The following ATE1 variants were observed in gnomAD, a reference collection of about 807,000 sequenced individuals.
The protein encoded by ATE1 is arginyltransferase 1.
ATE1 carries 36 observed loss-of-function variants against 70.5 expected under a neutral mutation model. The ratio of observed to expected loss-of-function variants is 0.51; its 90% confidence interval spans 0.39 to 0.67. ATE1 has a LOEUF of 0.67. Ranked by LOEUF, ATE1 falls within the 30% of genes least tolerant of loss-of-function variation. The pLI is 0.00. For missense variants in ATE1, 593 were observed against 629.5 expected (o/e 0.94, Z 0.62); for synonymous variants, 232 against 219.3 (o/e 1.06, Z -0.51).
intron 10 of ATE1, among the ~76,000 whole-genome samples, chr10:121,804,860 C>A (rs1382749206): frequency 6.6e-6 from 1 of 152,010 alleles, no homozygotes; most frequent in African/African-American, 2.4e-5. Flanking sequence ...CTGAGAGCTT[C>A]CAACACAACC....
intron 7 of ATE1, among the ~76,000 whole-genome samples, chr10:121,876,822 C>T (rs12768377): frequency 0.4 from 60,951 of 151,506 alleles, 12,353 homozygotes; most frequent in East Asian, 0.45. Flanking sequence ...AAAAATTAGC[C>T]GGGCGTGGTG....
intron 3 of ATE1, among the ~76,000 whole-genome samples, chr10:121,916,518 A>G (rs180811491): frequency 1.3e-5 from 2 of 152,156 alleles, no homozygotes; most frequent in Non-Finnish European, 2.9e-5. Context: ...TCCAAGAAAG[A>G]AGGGTTTCCA....
rs199893795 is a variant in ATE1, at chr10:121,783,884, A to AT, written c.1378+6284dup. ...AAAGGAACTGCTTGTTTGGGGGAAA[A>AT]TTTTTTTTTTTTCGGTTTTGAGACA... On this transcript the variant is annotated intron_variant, in intron 11 of 11. Coordinates refer to ENST00000224652, the MANE Select transcript of ATE1 (RefSeq NM_001001976.3). Among the ~76,000 whole-genome samples, 901 of 151,402 alleles carry AT rather than the reference A, an allele frequency of 6.0e-3. 37 individuals carry two copies. In the East Asian group the frequency reaches 0.1, roughly 17 times the overall value.
At chr10:121,843,342 T>C (rs1443751788) in intron 8 of ATE1, among the ~76,000 whole-genome samples, 3 of 152,174 alleles carry the variant, frequency 2.0e-5, no homozygotes, top group African/African-American at 7.2e-5. Flanking sequence ...GAAGACAATA[T>C]TGTCATGATC....
At position 121,762,690 on chromosome 10, in the gene ATE1, A is replaced by C. The variant is rs146669925; in HGVS notation, c.1379-18832T>G. ...TGGCGTCCTGTTGAGGACTGGTTCCACTTTGTGCCCTGAGCTACGGGGATA... is the reference window on the plus strand; with the variant it reads ...TGGCGTCCTGTTGAGGACTGGTTCCCCTTTGTGCCCTGAGCTACGGGGATA... On this transcript the variant is annotated intron_variant, in intron 11 of 11. Transcript: ENST00000224652. Among the ~76,000 whole-genome samples the C allele has an allele frequency of 5.2e-4, 79 of 152,310 alleles. No individual in the cohort carries two copies. In the Middle Eastern group the frequency reaches 0.014, roughly 26 times the overall value.
chr10:121,745,587 C>T (rs181414643), intron 11 of ATE1, among the ~76,000 whole-genome samples: 105 of 152,202 alleles, frequency 6.9e-4, no homozygotes, highest in Admixed American at 3.7e-3. Flanking sequence ...ATTAGCCAGG[C>T]GTGGTGGCGG....
intron 3 of ATE1, among the ~76,000 whole-genome samples, chr10:121,918,791 T>G (rs1278753440): frequency 8.1e-6 from 1 of 124,024 alleles, no homozygotes; most frequent in Non-Finnish European, 1.6e-5. Flanking sequence ...AACGGCCAGC[T>G]GGACTTCTGG....
At chr10:121,869,715 A>G (rs1472835239) in intron 8 of ATE1, among the ~76,000 whole-genome samples, 2 of 152,226 alleles carry the variant, frequency 1.3e-5, no homozygotes, top group Non-Finnish European at 2.9e-5. Context: ...ATGAAGATAC[A>G]ACAAGCCTCT....
chr10:121,819,905 G>C (rs1947725022), intron 10 of ATE1, among the ~76,000 whole-genome samples: 1 of 151,960 alleles, frequency 6.6e-6, no homozygotes, highest in African/African-American at 2.4e-5. Flanking sequence ...CAGCACTTTG[G>C]GAGGCCAAGG....
intron 8 of ATE1, chr10:121,846,791 A>G (rs1456905094): frequency 1.3e-5 from 2 of 152,182 alleles, no homozygotes; most frequent in Admixed American, 6.5e-5. Context: ...TCCATGAATG[A>G]TAAGTTATGT....
intron 10 of ATE1, among the ~76,000 whole-genome samples, chr10:121,820,278 T>C (rs2133578643): frequency 1.3e-5 from 2 of 152,328 alleles, no homozygotes; most frequent in South Asian, 4.1e-4. Flanking sequence ...GATATCATCA[T>C]TTTAACATGT....
intron 7 of ATE1, among the ~76,000 whole-genome samples, chr10:121,877,403 G>C (rs992196306): frequency 1.3e-5 from 2 of 152,086 alleles, no homozygotes; most frequent in Non-Finnish European, 2.9e-5. Context: ...GTTTAGAAAT[G>C]TACCAAAACT....
rs563305198 is a variant in ATE1, at chr10:121,907,359, T to C, written c.583+3547A>G. Among the ~76,000 whole-genome samples, 5 of 151,648 alleles carry C rather than the reference T, an allele frequency of 3.3e-5. No homozygotes were observed. In the South Asian group the frequency reaches 8.4e-4, roughly 25 times the overall value. On this transcript the variant is annotated intron_variant, in intron 5 of 11. Transcript: ENST00000224652. ...GCACACCTGTAGTCCCAGCTACTCA[T>C]GAGGCTGAGGCAGGAGAATCACTTA...
chr10:121,914,677 C>T lies in ATE1; in HGVS notation c.234-784G>A, dbSNP rs548392840. On this transcript the variant is annotated intron_variant, in intron 3 of 11. Transcript: ENST00000224652. ...TAGATGTCAGATCCCCTCTCCCATC[C>T]GCAGATGACTAGACGACTCCCTACT... Among the ~76,000 whole-genome samples, 443 of 152,234 alleles carry T rather than the reference C, an allele frequency of 2.9e-3. 4 individuals are homozygous for T. Among genetic ancestry groups the T allele is most frequent in the African/African-American group, 8.3e-3 (344 of 41,546 alleles).
intron 10 of ATE1, among the ~76,000 whole-genome samples, chr10:121,794,480 C>T (rs1450768221): frequency 6.6e-6 from 1 of 151,688 alleles, no homozygotes; most frequent in African/African-American, 2.4e-5. Context: ...GTGGTGCACA[C>T]CTATAGTCCC....
chr10:121,889,755 G>A (rs113308513), intron 7 of ATE1, among the ~76,000 whole-genome samples: 1,564 of 152,080 alleles, frequency 0.01, 38 homozygotes, highest in African/African-American at 0.036. Flanking sequence ...TAAGGCTGCA[G>A]TGAACTATGA....
intron 7 of ATE1, among the ~76,000 whole-genome samples, chr10:121,874,940 A>T (rs1949986962): frequency 1.3e-5 from 2 of 151,514 alleles, no homozygotes; most frequent in African/African-American, 2.4e-5. Context: ...GGAGATCGAG[A>T]CCATCCTGGC....
chr10:121,825,613 C>T (rs927184356), intron 10 of ATE1, among the ~76,000 whole-genome samples: 1 of 152,134 alleles, frequency 6.6e-6, no homozygotes, highest in Non-Finnish European at 1.5e-5. Flanking sequence ...TAGGAAGAGA[C>T]ACAAACCACC....
chr10:121,776,384 G>A (rs1015988049), intron 11 of ATE1, among the ~76,000 whole-genome samples: 1 of 151,902 alleles, frequency 6.6e-6, no homozygotes, highest in African/African-American at 2.4e-5. Flanking sequence ...TTTATTTACA[G>A]AGAAGAGCAA....
Sources: allele counts gnomAD v4.1 joint callset (sites outside exome capture counted in the v4.1 genomes callset), GRCh38; gene constraint gnomAD v4.1.1; transcripts MANE v1.5; gene names NCBI Gene and HGNC (gene_info 2026-07-23, HGNC 2026-07-21).